MEF2C: variants seen among roughly 807,000 people sequenced by gnomAD.
The protein encoded by MEF2C is myocyte enhancer factor 2C.
Under a neutral mutation model 50.5 loss-of-function variants are expected in MEF2C, and 6 were observed. The observed-to-expected ratio is 0.12, with a 90% CI of 0.07 to 0.23. MEF2C has a LOEUF of 0.23. Ranked by LOEUF, MEF2C falls within the 10% of genes least tolerant of loss-of-function variation. MEF2C has a pLI of 1.00. For missense variants in MEF2C, 276 were observed against 605.0 expected (o/e 0.46, Z 5.70); for synonymous variants, 183 against 228.0 (o/e 0.80, Z 1.78).
At chr5:88,772,710 T>C (rs1286210242) in intron 3 of MEF2C, 1 of 983,802 alleles carries the variant, frequency 1.0e-6, no homozygotes, top group Non-Finnish European at 1.2e-6. Flanking sequence ...CTTTTTAAAA[T>C]TGATTTCTCC....
At chr5:88,878,631 T>G (rs1238304517) in intron 1 of MEF2C, among the ~76,000 whole-genome samples, 1 of 152,022 alleles carries the variant, frequency 6.6e-6, no homozygotes, top group African/African-American at 2.4e-5. Context: ...TATTTTCTAA[T>G]AAATATACTC....
intron 6 of MEF2C, chr5:88,743,524 A>G: frequency 1.0e-6 from 1 of 982,024 alleles, no homozygotes; most frequent in South Asian, 4.7e-5. Flanking sequence ...TCAATGCTAG[A>G]TGAATTACAA....
At chr5:88,758,048 C>T (rs1463836763) in intron 4 of MEF2C, among the ~76,000 whole-genome samples, 1 of 152,216 alleles carries the variant, frequency 6.6e-6, no homozygotes, top group Admixed American at 6.5e-5. Flanking sequence ...GTCCCATCCT[C>T]CTTCCCTTCC....
At chr5:88,855,187 G>T (rs1041062308) in intron 1 of MEF2C, among the ~76,000 whole-genome samples, 2 of 152,126 alleles carry the variant, frequency 1.3e-5, no homozygotes, top group Non-Finnish European at 2.9e-5. Flanking sequence ...TAAATGTTGG[G>T]ATTTGAAAGA....
intron 1 of MEF2C, among the ~76,000 whole-genome samples, chr5:88,863,890 C>T (rs576851656): frequency 2.4e-4 from 36 of 150,594 alleles, no homozygotes; most frequent in Non-Finnish European, 2.4e-4. Flanking sequence ...AGCACCATCT[C>T]GGCTCACTGC....
intron 1 of MEF2C, among the ~76,000 whole-genome samples, chr5:88,863,010 A>G (rs1038252575): frequency 4.6e-5 from 7 of 152,186 alleles, no homozygotes; most frequent in Non-Finnish European, 1.0e-4. Context: ...TACGAAAAAC[A>G]TATGAAAGTC....
At chr5:88,790,028 T>C (rs972451057) in intron 3 of MEF2C, among the ~76,000 whole-genome samples, 142 of 152,336 alleles carry the variant, frequency 9.3e-4, no homozygotes, top group African/African-American at 3.1e-3. Flanking sequence ...CCTGAATGTC[T>C]GGACTTGGAC....
intron 9 of MEF2C, 33 bp downstream of exon 9, chr5:88,729,185 A>G: frequency 6.2e-7 from 1 of 1,611,218 alleles, no homozygotes; most frequent in Non-Finnish European, 8.5e-7. Flanking sequence ...AAAAGTATTT[A>G]GTGTACTAAT....
chr5:88,864,200 C>T (rs1294680588), intron 1 of MEF2C, among the ~76,000 whole-genome samples: 2 of 150,054 alleles, frequency 1.3e-5, no homozygotes, highest in African/African-American at 4.9e-5. Context: ...TCAATGTTCT[C>T]CACACAAAGA....
At chr5:88,740,235 T>TGG in intron 6 of MEF2C, 1 of 271,598 alleles carries the variant, frequency 3.7e-6, no homozygotes, top group Non-Finnish European at 4.6e-6. Context: ...CGATTTTGCG[T>TGG]GTGTGTGTGT....
At chr5:88,838,717 C>T (rs1011187824) in intron 1 of MEF2C, 6 of 985,312 alleles carry the variant, frequency 6.1e-6, no homozygotes, top group Non-Finnish European at 7.2e-6. Context: ...CCCTCCTCCC[C>T]TTGCCACTCC....
chr5:88,872,199 G>C (rs1213499710), intron 1 of MEF2C, among the ~76,000 whole-genome samples: 2 of 151,978 alleles, frequency 1.3e-5, no homozygotes, highest in African/African-American at 4.8e-5. Context: ...CTCTTGGCGA[G>C]GCTGGTTTCA....
At chr5:88,738,680 A>T (rs1215133774) in intron 6 of MEF2C, 2 of 985,234 alleles carry the variant, frequency 2.0e-6, no homozygotes, top group African/African-American at 3.5e-5. Context: ...AATTATGGGG[A>T]TACAAATGAA....
At chr5:88,725,958 C>T (rs1186414764) in intron 10 of MEF2C, among the ~76,000 whole-genome samples, 1 of 152,078 alleles carries the variant, frequency 6.6e-6, no homozygotes, top group Non-Finnish European at 1.5e-5. Flanking sequence ...ATTCAAAGGA[C>T]TTTCATTAAC....
At chr5:88,807,811 A>G (rs1801157204) in intron 2 of MEF2C, among the ~76,000 whole-genome samples, 1 of 152,218 alleles carries the variant, frequency 6.6e-6, no homozygotes, top group African/African-American at 2.4e-5. Flanking sequence ...AGAAAGATAA[A>G]GCTGTAGTGA....
chr5:88,832,688 C>G (rs899856251), intron 1 of MEF2C, among the ~76,000 whole-genome samples: 2 of 152,144 alleles, frequency 1.3e-5, no homozygotes, highest in African/African-American at 4.8e-5. Context: ...ACAACTGCAG[C>G]AGTTTACCTA....
At chr5:88,882,875 T>A (rs1833384294) in intron 1 of MEF2C, 80 bp downstream of exon 1, 1 of 152,092 alleles carries the variant, frequency 6.6e-6, no homozygotes, top group East Asian at 1.9e-4. Flanking sequence ...ATAGACACAG[T>A]GCCGTGGAAT....
intron 1 of MEF2C, among the ~76,000 whole-genome samples, chr5:88,870,089 G>A (rs1829044533): frequency 6.6e-6 from 1 of 150,812 alleles, no homozygotes; most frequent in East Asian, 2.0e-4. Context: ...ATGTATTGAA[G>A]GATTATGCAG....
At chr5:88,867,181 C>T (rs1347272175) in intron 1 of MEF2C, among the ~76,000 whole-genome samples, 1 of 152,160 alleles carries the variant, frequency 6.6e-6, no homozygotes, top group Admixed American at 6.5e-5. Context: ...TAATACACTT[C>T]TTTTTAAAAA....
Sources: allele counts gnomAD v4.1 joint callset (sites outside exome capture counted in the v4.1 genomes callset), GRCh38; gene constraint gnomAD v4.1.1; transcripts MANE v1.5; gene names NCBI Gene and HGNC (gene_info 2026-07-23, HGNC 2026-07-21).